ITGA9: variants seen among roughly 807,000 people sequenced by gnomAD.
ITGA9 encodes integrin alpha-9.
ITGA9 carries 56 observed loss-of-function variants against 127.8 expected under a neutral mutation model. That is an observed-to-expected ratio of 0.44 (90% CI 0.35 to 0.55). The LOEUF (loss-of-function observed/expected upper bound fraction) is 0.55, where lower values mean the gene tolerates loss of function less well. Ranked by LOEUF, ITGA9 falls within the 20% of genes least tolerant of loss-of-function variation. The pLI is 0.00. For synonymous variants in ITGA9, 508 were observed against 514.5 expected (o/e 0.99, Z 0.17); for missense variants, 1,196 against 1,347.1 (o/e 0.89, Z 1.76).
chr3:37,477,941 A>C (rs537825516), intron 3 of ITGA9, among the ~76,000 whole-genome samples: 2 of 150,916 alleles, frequency 1.3e-5, no homozygotes, highest in South Asian at 2.1e-4. Context: ...CACAGGGTAC[A>C]TTTTTGCATT....
At chr3:37,590,730 G>A (rs185635875) in intron 15 of ITGA9, among the ~76,000 whole-genome samples, 1 of 151,498 alleles carries the variant, frequency 6.6e-6, no homozygotes, top group African/African-American at 2.5e-5. Flanking sequence ...GGGCCCTAGT[G>A]GGGGATGGAT....
chr3:37,515,647 G>T (rs1480023782), intron 9 of ITGA9, among the ~76,000 whole-genome samples: 1 of 152,192 alleles, frequency 6.6e-6, no homozygotes, highest in Non-Finnish European at 1.5e-5. Flanking sequence ...GAGGTGGGAG[G>T]ATTGTTTGAG....
intron 14 of ITGA9, among the ~76,000 whole-genome samples, chr3:37,537,376 TAGC>T (rs1699219474): frequency 6.6e-6 from 1 of 152,172 alleles, no homozygotes. Context: ...TGCTCCATAT[TAGC>T]AGAGCCTCAC....
At chr3:37,457,698 G>T (rs1300191451) in intron 1 of ITGA9, among the ~76,000 whole-genome samples, 1 of 152,144 alleles carries the variant, frequency 6.6e-6, no homozygotes, top group African/African-American at 2.4e-5. Flanking sequence ...CATATATGAG[G>T]CCTGAGTTCC....
At chr3:37,496,035 G>T (rs547093746) in intron 5 of ITGA9, among the ~76,000 whole-genome samples, 18 of 152,260 alleles carry the variant, frequency 1.2e-4, no homozygotes, top group East Asian at 3.9e-4. Context: ...TGGGACATGG[G>T]GGGTGGAGGG....
intron 17 of ITGA9, among the ~76,000 whole-genome samples, chr3:37,681,096 G>A (rs1700730569): frequency 6.6e-6 from 1 of 152,170 alleles, no homozygotes; most frequent in Admixed American, 6.5e-5. Context: ...CCAGAAATTA[G>A]TATTTCAAAG....
intron 17 of ITGA9, among the ~76,000 whole-genome samples, chr3:37,663,153 A>G (rs527852105): frequency 6.6e-6 from 1 of 152,360 alleles, no homozygotes; most frequent in East Asian, 1.9e-4. Flanking sequence ...AACTTGTTTA[A>G]AAGTTTCTAT....
At chr3:37,615,265 T>C (rs941912595) in intron 15 of ITGA9, among the ~76,000 whole-genome samples, 1 of 152,180 alleles carries the variant, frequency 6.6e-6, no homozygotes, top group Non-Finnish European at 1.5e-5. Flanking sequence ...TGCTGGATTA[T>C]GTTTATTGAT....
At chr3:37,615,435 G>C (rs1439619785) in intron 15 of ITGA9, among the ~76,000 whole-genome samples, 1 of 152,086 alleles carries the variant, frequency 6.6e-6, no homozygotes, top group Admixed American at 6.5e-5. Context: ...CTCTTTTTTG[G>C]TTGTGTCTCT....
intron 17 of ITGA9, among the ~76,000 whole-genome samples, chr3:37,680,161 A>G (rs1700721581): frequency 6.6e-6 from 1 of 152,150 alleles, no homozygotes; most frequent in Admixed American, 6.6e-5. Context: ...CAATTTCCTC[A>G]TCTCTCTAAT....
chr3:37,529,200 G>A (rs959573113), intron 13 of ITGA9, among the ~76,000 whole-genome samples: 5 of 152,186 alleles, frequency 3.3e-5, no homozygotes, highest in African/African-American at 1.2e-4. Context: ...CATGACATAA[G>A]TGGGGCTGTT....
At chr3:37,510,550 G>C (rs1698893933) in intron 8 of ITGA9, among the ~76,000 whole-genome samples, 1 of 151,784 alleles carries the variant, frequency 6.6e-6, no homozygotes, top group Non-Finnish European at 1.5e-5. Context: ...GGGTAGATCT[G>C]AGAGTGGGTG....
intron 17 of ITGA9, among the ~76,000 whole-genome samples, chr3:37,658,446 C>T (rs534771930): frequency 6.6e-6 from 1 of 152,174 alleles, no homozygotes; most frequent in African/African-American, 2.4e-5. Flanking sequence ...TAATGCCATT[C>T]TTTATGTTTT....
chr3:37,568,121 A>G (rs746785999), intron 15 of ITGA9, among the ~76,000 whole-genome samples: 1 of 152,210 alleles, frequency 6.6e-6, no homozygotes, highest in Non-Finnish European at 1.5e-5. Context: ...AGGCATTTCC[A>G]TGCATCCTCT....
intron 16 of ITGA9, among the ~76,000 whole-genome samples, chr3:37,632,069 C>T (rs905032981): frequency 6.6e-6 from 1 of 152,022 alleles, no homozygotes; most frequent in African/African-American, 2.4e-5. Context: ...TATGAATGGA[C>T]AACCAAGGAA....
At chr3:37,555,070 A>G (rs930497717) in intron 15 of ITGA9, among the ~76,000 whole-genome samples, 2 of 152,204 alleles carry the variant, frequency 1.3e-5, no homozygotes, top group Non-Finnish European at 2.9e-5. Flanking sequence ...CTCCAACACT[A>G]AGAGCATCTT....
chr3:37,745,124 T>A (rs1696485453), intron 22 of ITGA9, among the ~76,000 whole-genome samples: 1 of 152,206 alleles, frequency 6.6e-6, no homozygotes, highest in African/African-American at 2.4e-5. Flanking sequence ...TTGTGGCCTC[T>A]CCTAGGTGGA....
chr3:37,569,534 G>A (rs1283748693), intron 15 of ITGA9, among the ~76,000 whole-genome samples: 1 of 152,208 alleles, frequency 6.6e-6, no homozygotes, highest in African/African-American at 2.4e-5. Flanking sequence ...AGGTCTCTGG[G>A]TGCAAAGTAA....
At chr3:37,693,274 G>A (rs894483581) in intron 18 of ITGA9, among the ~76,000 whole-genome samples, 8 of 152,176 alleles carry the variant, frequency 5.3e-5, no homozygotes, top group African/African-American at 1.9e-4. Context: ...TATTGTGGGA[G>A]GGGTGATGAT....
Sources: gnomAD v4.1 joint callset for allele counts (sites outside exome capture counted in the v4.1 genomes callset) on GRCh38, gnomAD v4.1.1 for gene constraint, MANE v1.5 for transcripts, NCBI Gene and HGNC (gene_info 2026-07-23, HGNC 2026-07-21) for gene names.